Variants in PTPRM observed in about 807,000 individuals in gnomAD.
The protein encoded by PTPRM is receptor-type tyrosine-protein phosphatase mu.
PTPRM carries 47 observed loss-of-function variants against 186.7 expected under a neutral mutation model. That is an observed-to-expected ratio of 0.25 (90% CI 0.20 to 0.32). The LOEUF is 0.32. Among genes scored for constraint, PTPRM ranks in the 10% least tolerant of loss-of-function variants. PTPRM has a pLI of 1.00. For missense variants in PTPRM, 1,494 were observed against 1,865.0 expected (o/e 0.80, Z 3.66); for synonymous variants, 668 against 674.9 (o/e 0.99, Z 0.16).
intron 14 of PTPRM, among the ~76,000 whole-genome samples, chr18:8,182,747 G>A (rs768040782): frequency 6.6e-6 from 1 of 152,098 alleles, no homozygotes; most frequent in Non-Finnish European, 1.5e-5. Context: ...TCTTGTCTTT[G>A]GAAAACTAAT....
intron 2 of PTPRM, among the ~76,000 whole-genome samples, chr18:7,822,925 T>A (rs1347271657): frequency 1.3e-5 from 2 of 152,120 alleles, no homozygotes; most frequent in Admixed American, 1.3e-4. Context: ...GGGGAACATT[T>A]GTTGTATAGT....
chr18:7,715,256 C>T (rs531621152), intron 1 of PTPRM, among the ~76,000 whole-genome samples: 73 of 152,224 alleles, frequency 4.8e-4, no homozygotes, highest in African/African-American at 1.7e-3. Flanking sequence ...ATGACAAAAC[C>T]ACATGATTAT....
intron 14 of PTPRM, among the ~76,000 whole-genome samples, chr18:8,160,431 G>A (rs1188522039): frequency 4.6e-5 from 7 of 152,020 alleles, no homozygotes; most frequent in South Asian, 2.1e-4. Context: ...GCAGACATGC[G>A]CCACCACGCC....
chr18:7,773,570 G>GTTTTTTTTTTTTTT (rs10708698), intron 1 of PTPRM, among the ~76,000 whole-genome samples: 12 of 129,080 alleles, frequency 9.3e-5, no homozygotes, highest in Non-Finnish European at 1.6e-4. Flanking sequence ...TCTTTTCTTT[G>GTTTTTTTTTTTTTT]TTTTTTTTTT....
chr18:8,283,971 T>C (rs1383283365), intron 19 of PTPRM, among the ~76,000 whole-genome samples: 1 of 152,174 alleles, frequency 6.6e-6, no homozygotes, highest in African/African-American at 2.4e-5. Context: ...GTGATTTTAC[T>C]AAAAGAATTT....
At chr18:8,359,419 C>T (rs1041757351) in intron 23 of PTPRM, among the ~76,000 whole-genome samples, 1 of 152,264 alleles carries the variant, frequency 6.6e-6, no homozygotes, top group East Asian at 1.9e-4. Flanking sequence ...GGAGCCCTGT[C>T]GCTAGCCTTC....
At chr18:7,920,775 A>T (rs2050815337) in intron 4 of PTPRM, among the ~76,000 whole-genome samples, 1 of 152,142 alleles carries the variant, frequency 6.6e-6, no homozygotes, top group African/African-American at 2.4e-5. Context: ...CCTTTCTTGT[A>T]AGATAGATCT....
intron 14 of PTPRM, among the ~76,000 whole-genome samples, chr18:8,193,191 T>G (rs1350340287): frequency 6.6e-6 from 1 of 152,118 alleles, no homozygotes; most frequent in Non-Finnish European, 1.5e-5. Flanking sequence ...GATAGAGAGA[T>G]ATTGAGAAAC....
rs149550000 is a variant in PTPRM, at chr18:7,647,911, G to T, written c.73+80020G>T. On this transcript the variant is annotated intron_variant, in intron 1 of 32. Transcript: ENST00000580170. ...GCTGCTGGTCTTTGGACCACCCTTG[G>T]AGAACTGTTGGTATACAGGCTTACC... is the stretch of plus-strand genomic sequence containing the variant. Among the ~76,000 whole-genome samples, 593 of 152,304 alleles carry T rather than the reference G, an allele frequency of 3.9e-3. 5 individuals carry two copies. Among genetic ancestry groups the T allele is most frequent in the African/African-American group, 0.013 (559 of 41,556 alleles).
intron 7 of PTPRM, among the ~76,000 whole-genome samples, chr18:7,961,795 G>A (rs964180008): frequency 2.0e-5 from 3 of 149,268 alleles, no homozygotes; most frequent in African/African-American, 7.4e-5. Context: ...TTATAAAAGC[G>A]ATAGTGTTTT....
intron 1 of PTPRM, among the ~76,000 whole-genome samples, chr18:7,739,208 A>G (rs975407756): frequency 2.0e-5 from 3 of 151,810 alleles, no homozygotes; most frequent in African/African-American, 7.3e-5. Flanking sequence ...CCCCTTTCCA[A>G]TTTGTTTCAA....
intron 14 of PTPRM, among the ~76,000 whole-genome samples, chr18:8,213,332 C>T (rs2094033056): frequency 6.6e-6 from 1 of 152,164 alleles, no homozygotes; most frequent in African/African-American, 2.4e-5. Context: ...AAACTGGACT[C>T]CTTGTCAGCA....
At chr18:8,216,723 A>G (rs1601285018) in intron 14 of PTPRM, among the ~76,000 whole-genome samples, 2 of 152,222 alleles carry the variant, frequency 1.3e-5, no homozygotes, top group East Asian at 3.8e-4. Flanking sequence ...TCCATGGGGC[A>G]TGCCTAGGCA....
At chr18:8,303,863 A>G (rs1005725159) in intron 20 of PTPRM, among the ~76,000 whole-genome samples, 3 of 152,228 alleles carry the variant, frequency 2.0e-5, no homozygotes, top group African/African-American at 7.2e-5. Flanking sequence ...TAAGGCGCCA[A>G]GCACTTCCTG....
intron 2 of PTPRM, among the ~76,000 whole-genome samples, chr18:7,844,579 A>G (rs1396342508): frequency 6.6e-6 from 1 of 152,158 alleles, no homozygotes; most frequent in East Asian, 1.9e-4. Context: ...TCACTGGTTC[A>G]TAGAAACTCT....
chr18:7,612,288 C>T (rs1356112221), intron 1 of PTPRM, among the ~76,000 whole-genome samples: 2 of 152,064 alleles, frequency 1.3e-5, no homozygotes, highest in Admixed American at 6.6e-5. Flanking sequence ...TGTATGGAAC[C>T]TGTTGTGAAG....
intron 23 of PTPRM, among the ~76,000 whole-genome samples, chr18:8,350,154 A>C (rs2095526926): frequency 6.6e-6 from 1 of 151,914 alleles, no homozygotes; most frequent in African/African-American, 2.4e-5. Flanking sequence ...CCTTGAAAAC[A>C]CTCTTTCCTG....
At chr18:7,742,630 G>A (rs1030298124) in intron 1 of PTPRM, among the ~76,000 whole-genome samples, 1 of 152,140 alleles carries the variant, frequency 6.6e-6, no homozygotes, top group South Asian at 2.1e-4. Context: ...CTTGAGCTCA[G>A]GAATTCGAGA....
intron 1 of PTPRM, among the ~76,000 whole-genome samples, chr18:7,745,037 G>A (rs976104598): frequency 2.0e-5 from 3 of 152,020 alleles, no homozygotes; most frequent in Non-Finnish European, 4.4e-5. Context: ...ATTGAACTGG[G>A]TTCAAATCCT....
Sources: gnomAD v4.1 joint callset for allele counts (sites outside exome capture counted in the v4.1 genomes callset) on GRCh38, gnomAD v4.1.1 for gene constraint, MANE v1.5 for transcripts, NCBI Gene and HGNC (gene_info 2026-07-23, HGNC 2026-07-21) for gene names.